Variants in CCSER1 observed in about 807,000 individuals in gnomAD.
CCSER1 encodes coiled-coil serine rich protein 1.
Under a neutral mutation model 82.0 loss-of-function variants are expected in CCSER1, and 41 were observed. That is an observed-to-expected ratio of 0.50 (90% CI 0.39 to 0.65). The LOEUF (loss-of-function observed/expected upper bound fraction) is 0.65. Ranked by LOEUF, CCSER1 falls within the 30% of genes least tolerant of loss-of-function variation. The pLI, the probability that CCSER1 is intolerant of heterozygous loss-of-function variation, is 0.00. For synonymous variants in CCSER1, 414 were observed against 383.9 expected, an observed-to-expected ratio of 1.08 and a Z score of -0.92; for missense variants, 1,119 against 1,064.2, an observed-to-expected ratio of 1.05 and a Z score of -0.72.
intron 7 of CCSER1, among the ~76,000 whole-genome samples, chr4:90,791,776 C>T (rs1392589580): frequency 6.6e-5 from 10 of 150,630 alleles, no homozygotes; most frequent in Non-Finnish European, 1.0e-4. Flanking sequence ...GAGCCGAGAT[C>T]GCGCCACTGC....
intron 7 of CCSER1, chr4:90,781,088 C>T (rs1753710605): frequency 1.1e-5 from 2 of 182,152 alleles, no homozygotes; most frequent in South Asian, 1.9e-4. Context: ...CCAGATCTCA[C>T]AAGAACTCAC....
intron 1 of CCSER1, among the ~76,000 whole-genome samples, chr4:90,153,116 A>G (rs1019450418): frequency 1.4e-5 from 2 of 138,432 alleles, no homozygotes; most frequent in African/African-American, 5.4e-5. Context: ...ATTCCCACCT[A>G]TGAGTGAGAA....
intron 9 of CCSER1, among the ~76,000 whole-genome samples, chr4:91,006,480 A>C (rs1051570169): frequency 6.8e-6 from 1 of 147,712 alleles, no homozygotes; most frequent in African/African-American, 2.5e-5. Flanking sequence ...GATGCCTTTT[A>C]TTTCTTTTTT....
intron 10 of CCSER1, chr4:91,319,127 A>T (rs7653977): frequency 0.73 from 183,003 of 251,468 alleles, 68,416 homozygotes; most frequent in African/African-American, 0.93. Flanking sequence ...CTTCTGGATA[A>T]TTTTTTCTAA....
chr4:90,493,720 G>A (rs768239327), intron 5 of CCSER1, among the ~76,000 whole-genome samples: 9 of 152,242 alleles, frequency 5.9e-5, no homozygotes, highest in South Asian at 2.1e-4. Context: ...AATGCTGAGA[G>A]ATTTTGTCAC....
At chr4:90,641,900 A>T in intron 6 of CCSER1, 1 of 282,272 alleles carries the variant, frequency 3.5e-6, no homozygotes. Context: ...TTAATCAAAT[A>T]ACCACTAATG....
intron 7 of CCSER1, among the ~76,000 whole-genome samples, chr4:90,758,668 T>C (rs982226474): frequency 6.6e-6 from 1 of 152,212 alleles, no homozygotes; most frequent in African/African-American, 2.4e-5. Flanking sequence ...AATGATGTTA[T>C]ATAATTATGT....
intron 4 of CCSER1, among the ~76,000 whole-genome samples, chr4:90,438,846 G>T (rs1759435609): frequency 1.3e-5 from 2 of 151,726 alleles, no homozygotes; most frequent in Admixed American, 1.3e-4. Flanking sequence ...CTTTGATTCT[G>T]AATCATTAGA....
At chr4:91,553,889 TTG>T (rs1762285586) in intron 10 of CCSER1, among the ~76,000 whole-genome samples, 1 of 151,100 alleles carries the variant, frequency 6.6e-6, no homozygotes, top group Admixed American at 6.6e-5. Context: ...ATTATAATTC[TTG>T]TGTCTCATAT....
rs967142602 is a variant in CCSER1, at chr4:90,492,138, G to A, written c.1724+23784G>A. ...TCTGGTAGAATTTGGGTGTGAATCT[G>A]TCTGGTCCTGGACTTTTTTTGGTTG... On this transcript the variant is annotated intron_variant, in intron 5 of 10. Coordinates refer to ENST00000509176, the MANE Select transcript of CCSER1 (RefSeq NM_001145065.2). Among the ~76,000 whole-genome samples the A allele has an allele frequency of 2.6e-5, 4 of 152,026 alleles. 1 individual carries two copies. Among genetic ancestry groups the A allele is most frequent in the Admixed American group, 2.0e-4 (3 of 15,252 alleles).
chr4:90,170,234 G>T (rs368117964), intron 1 of CCSER1, among the ~76,000 whole-genome samples: 1 of 151,952 alleles, frequency 6.6e-6, no homozygotes, highest in South Asian at 2.1e-4. Context: ...TCATGCTATT[G>T]TTTCTATCTT....
intron 8 of CCSER1, among the ~76,000 whole-genome samples, chr4:90,905,674 A>G (rs1233512036): frequency 1.3e-5 from 2 of 152,150 alleles, no homozygotes; most frequent in Non-Finnish European, 2.9e-5. Flanking sequence ...AAGTAGAAGC[A>G]GTGAAATAGC....
chr4:90,369,772 C>T (rs1157218559), intron 3 of CCSER1, among the ~76,000 whole-genome samples: 1 of 151,930 alleles, frequency 6.6e-6, no homozygotes, highest in African/African-American at 2.4e-5. Context: ...CCAGTTCTAA[C>T]TTATATTACA....
intron 4 of CCSER1, among the ~76,000 whole-genome samples, chr4:90,454,573 T>G (rs533983177): frequency 1.3e-5 from 2 of 152,292 alleles, no homozygotes; most frequent in African/African-American, 2.4e-5. Context: ...TGAGAGTGTT[T>G]CCTCTTCCAT....
chr4:91,190,089 C>T (rs908035470), intron 10 of CCSER1, among the ~76,000 whole-genome samples: 1 of 152,136 alleles, frequency 6.6e-6, no homozygotes, highest in Non-Finnish European at 1.5e-5. Flanking sequence ...TTACTAGATG[C>T]CTGCACTCCA....
chr4:90,515,066 C>T (rs1056917904), intron 5 of CCSER1, among the ~76,000 whole-genome samples: 1 of 152,026 alleles, frequency 6.6e-6, no homozygotes, highest in Non-Finnish European at 1.5e-5. Context: ...CCATGTTGGT[C>T]AGGCTGGTCT....
At chr4:90,867,302 G>A (rs1274217523) in intron 8 of CCSER1, among the ~76,000 whole-genome samples, 1 of 151,920 alleles carries the variant, frequency 6.6e-6, no homozygotes, top group Admixed American at 6.6e-5. Context: ...TCTCAGAAGG[G>A]AATAAAGAAG....
At position 90,271,863 on chromosome 4, in the gene CCSER1, T is replaced by TATATATATATA. The variant is rs61116868; in HGVS notation, c.-41-36381_-41-36380insATATATATATA. On this transcript the variant is annotated intron_variant, in intron 1 of 10. Transcript: ENST00000509176. ...ATATATATATATATATATATATATA[T>TATATATATATA]TTTTTTTTTTTTTTTTTTTTTTTTT... 8.1e-3 allele frequency among the ~76,000 whole-genome samples: 158 copies of TATATATATATA among 19,560 alleles called. 1 individual carries two copies. The highest frequency in any genetic ancestry group is 0.023 in the African/African-American group (72 of 3,138). 12.8% of individuals were successfully genotyped at this position (19,560 alleles called of 152,430 possible). A position where few individuals can be genotyped will look rare whatever the true frequency, so the allele number is the denominator to read the frequency against.
chr4:90,359,540 C>T (rs1317910831), intron 3 of CCSER1, among the ~76,000 whole-genome samples: 1 of 151,784 alleles, frequency 6.6e-6, no homozygotes, highest in Non-Finnish European at 1.5e-5. Context: ...GAGTTCAAGA[C>T]CAGCCTGGCA....
Sources: allele counts gnomAD v4.1 joint callset (sites outside exome capture counted in the v4.1 genomes callset), GRCh38; gene constraint gnomAD v4.1.1; transcripts MANE v1.5; gene names NCBI Gene and HGNC (gene_info 2026-07-23, HGNC 2026-07-21).